Variants in CELF5 observed in about 807,000 individuals in gnomAD.
CELF5 encodes CUG-BP and ETR-3 like factor 5.
In CELF5, 6 loss-of-function variants were observed where a neutral mutation model predicts 54.9. That is an observed-to-expected ratio of 0.11 (90% CI 0.06 to 0.22). CELF5 has a LOEUF of 0.22. Among genes scored for constraint, CELF5 ranks in the 10% least tolerant of loss-of-function variants. The pLI, the probability that CELF5 is intolerant of heterozygous loss-of-function variation, is 1.00. For missense variants in CELF5, 401 were observed against 678.6 expected (o/e 0.59, Z 4.54); for synonymous variants, 271 against 290.9 (o/e 0.93, Z 0.70).
intron 1 of CELF5, among the ~76,000 whole-genome samples, chr19:3,238,284 C>T (rs1444998517): frequency 3.3e-5 from 5 of 152,196 alleles, no homozygotes; most frequent in Non-Finnish European, 4.4e-5. Flanking sequence ...GGTTCAAACG[C>T]TTCTGACAGT....
At chr19:3,290,116 C>T in intron 10 of CELF5, 115 bp from the exon 11 acceptor site, 2 of 746,032 alleles carry the variant, frequency 2.7e-6, no homozygotes, top group Admixed American at 5.2e-5. Context: ...GTCTGAGGCA[C>T]CCCTCTCCCG....
intron 1 of CELF5, among the ~76,000 whole-genome samples, chr19:3,236,212 C>T (rs980448373): frequency 2.0e-5 from 3 of 152,086 alleles, no homozygotes; most frequent in South Asian, 2.1e-4. Context: ...GCAGAGAGCC[C>T]GTCTGTCTCG....
At chr19:3,244,837 A>G (rs2079541816) in intron 1 of CELF5, among the ~76,000 whole-genome samples, 1 of 136,282 alleles carries the variant, frequency 7.3e-6, no homozygotes. Flanking sequence ...TGGTGTGTGT[A>G]TGCATCTGTG....
chr19:3,286,025 G>T lies in CELF5; in HGVS notation c.1186G>T (p.Gly396Cys). ...PPLLQQQQRE[G>C]PEGCNLFIYH... ...CCTCCTGCAGCAGCAGCAGCGAGAAGGTGAGGCGGCCGCAACCTCCCCTGG... is the reference window on the plus strand; with the variant it reads ...CCTCCTGCAGCAGCAGCAGCGAGAATGTGAGGCGGCCGCAACCTCCCCTGG... Residue 396 changes from glycine to cysteine, a missense_variant and splice_region_variant, in exon 10 of 13, where the codon GGT becomes TGT. Physicochemically the swap from Gly to Cys is radical, Grantham distance 159. Around this residue, in one of 6 missense-constraint regions of CELF5, gnomAD observed 59 missense variants for 128.8 expected, o/e 0.46. Coordinates refer to ENST00000292672, the MANE Select transcript of CELF5 (RefSeq NM_021938.4). The T allele has an allele frequency of 6.4e-7, 1 of 1,574,442 alleles. No individual in the cohort carries two copies. Among genetic ancestry groups the T allele is most frequent in the Non-Finnish European group, 8.6e-7 (1 of 1,169,320 alleles).
At chr19:3,277,560 T>C (rs2080077304) in intron 4 of CELF5, among the ~76,000 whole-genome samples, 1 of 152,112 alleles carries the variant, frequency 6.6e-6, no homozygotes, top group Non-Finnish European at 1.5e-5. Flanking sequence ...TTTCTATTCA[T>C]AAAACCGTGC....
At chr19:3,292,042 G>T (rs1016757926) in intron 11 of CELF5, among the ~76,000 whole-genome samples, 2 of 152,220 alleles carry the variant, frequency 1.3e-5, no homozygotes, top group East Asian at 3.9e-4. Context: ...TGCCTCTTGG[G>T]TTCAAGTGAT....
chr19:3,250,810 C>T (rs571371028), intron 1 of CELF5, among the ~76,000 whole-genome samples, 175 bp from the exon 2 acceptor site: 6 of 152,258 alleles, frequency 3.9e-5, no homozygotes, highest in African/African-American at 1.4e-4. Context: ...TCAGAATTTC[C>T]TTCCTTTTCT....
intron 1 of CELF5, among the ~76,000 whole-genome samples, chr19:3,229,082 G>T (rs1330525041): frequency 6.7e-6 from 1 of 150,086 alleles, no homozygotes. Context: ...CATCGTTTCT[G>T]CACCTCCCTC....
At chr19:3,244,120 C>A (rs183668890) in intron 1 of CELF5, among the ~76,000 whole-genome samples, 1 of 151,996 alleles carries the variant, frequency 6.6e-6, no homozygotes, top group African/African-American at 2.4e-5. Flanking sequence ...CGCATTTTCA[C>A]CAGCTAGAAA....
intron 8 of CELF5, 158 bp from the exon 9 acceptor site, chr19:3,284,744 A>G (rs1241722972): frequency 1.7e-5 from 11 of 657,122 alleles, no homozygotes; most frequent in African/African-American, 3.6e-5. Flanking sequence ...AAGTGGCTTC[A>G]CCTTCCTCGG....
intron 2 of CELF5, among the ~76,000 whole-genome samples, chr19:3,258,054 G>A (rs979006326): frequency 9.2e-5 from 14 of 151,356 alleles, no homozygotes; most frequent in South Asian, 2.1e-4. Context: ...TCCACCTCCC[G>A]GGTTCAAGCA....
Position 3,281,991 on chromosome 19 carries a change from T to TCCAAATCTGATCTCAGCCTGAGCC in CELF5, c.751-131_751-130insATCTGATCTCAGCCTGAGCCCCAA, listed in dbSNP as rs999293913. ...GCTGAGCCTTGATCCCAGTCTGAGC[T>TCCAAATCTGATCTCAGCCTGAGCC]CCAATTCTGATCTCAGCCTGAGCCA... On this transcript the variant is annotated intron_variant, in intron 6 of 12. Transcript: ENST00000292672. This position sits in a 1 kb window ranked among gnomAD's most constrained non-coding sequence, Gnocchi z 6.5. 5.2e-6 allele frequency: 5 copies of TCCAAATCTGATCTCAGCCTGAGCC among 962,460 alleles called. No individual in the cohort carries two copies. The African/African-American group carries it at 8.0e-5, about 15-fold the overall frequency. The allele number at this position is 962,460 out of a possible 1,614,324, so 59.6% of individuals were successfully genotyped here. A position where few individuals can be genotyped will look rare whatever the true frequency, so the allele number is the denominator to read the frequency against.
chr19:3,252,111 A>C (rs1305700791), intron 2 of CELF5, among the ~76,000 whole-genome samples: 1 of 152,058 alleles, frequency 6.6e-6, no homozygotes, highest in Non-Finnish European at 1.5e-5. Context: ...ACAATGGCTC[A>C]CTGCAGCCTC....
intron 1 of CELF5, among the ~76,000 whole-genome samples, chr19:3,233,988 G>C (rs916538572): frequency 1.5e-4 from 23 of 152,202 alleles, no homozygotes; most frequent in African/African-American, 5.5e-4. Flanking sequence ...AGACAGAGTG[G>C]AGCAGGCCCC....
chr19:3,286,061 C>T (rs1166440628), intron 10 of CELF5, 36 bp downstream of exon 10: 9 of 1,497,026 alleles, frequency 6.0e-6, no homozygotes, highest in Non-Finnish European at 8.0e-6. Flanking sequence ...GCGCCAGCCC[C>T]GCCCTCTGCC....
intron 1 of CELF5, among the ~76,000 whole-genome samples, chr19:3,235,514 A>G (rs1281936101): frequency 1.4e-4 from 9 of 62,572 alleles, no homozygotes; most frequent in African/African-American, 1.8e-4. Flanking sequence ...GGGTGGATGG[A>G]TGGATGGATG....
At chr19:3,243,352 C>T (rs1026214830) in intron 1 of CELF5, among the ~76,000 whole-genome samples, 2 of 152,248 alleles carry the variant, frequency 1.3e-5, no homozygotes, top group African/African-American at 4.8e-5. Flanking sequence ...ACAATCATGC[C>T]TCACTGCAGC....
chr19:3,244,334 G>T (rs1316471409), intron 1 of CELF5, among the ~76,000 whole-genome samples: 2 of 151,798 alleles, frequency 1.3e-5, no homozygotes, highest in African/African-American at 4.9e-5. Context: ...TGGTGTGCAT[G>T]CATTATTGCA....
At chr19:3,225,536 G>A (rs1916856957) in intron 1 of CELF5, 1 of 951,442 alleles carries the variant, frequency 1.1e-6, no homozygotes, top group Non-Finnish European at 1.2e-6. Context: ...GGACTCCATT[G>A]CTTTGGTTAT....
Sources: gnomAD v4.1 joint callset for allele counts (sites outside exome capture counted in the v4.1 genomes callset) on GRCh38, gnomAD v4.1.1 for gene constraint, gnomAD v4.1.1 regional missense constraint, Gnocchi (gnomAD v3.1) non-coding constraint, MANE v1.5 for transcripts, NCBI Gene and HGNC (gene_info 2026-07-23, HGNC 2026-07-21) for gene names.